NDUFS2: variants seen among roughly 807,000 people sequenced by gnomAD.
The protein encoded by NDUFS2 is NADH:ubiquinone oxidoreductase core subunit S2, also known as NADH dehydrogenase [ubiquinone] iron-sulfur protein 2, mitochondrial.
In NDUFS2, 38 loss-of-function variants were observed where a neutral mutation model predicts 69.6. That is an observed-to-expected ratio of 0.55 (90% CI 0.42 to 0.72). The LOEUF is 0.72. NDUFS2 is among the 30% of genes least tolerant of loss of function. The pLI is 0.00. For synonymous variants in NDUFS2, 194 were observed against 211.2 expected, an observed-to-expected ratio of 0.92 and a Z score of 0.70; for missense variants, 468 against 595.0, an observed-to-expected ratio of 0.79 and a Z score of 2.22.
At chr1:161,202,594 C>T (rs1249799696) in intron 1 of NDUFS2, 114 bp downstream of exon 1, 6 of 1,135,260 alleles carry the variant, frequency 5.3e-6, no homozygotes, top group African/African-American at 1.5e-5. Context: ...CATTGTCCAT[C>T]CCTGATTTCT....
At position 161,206,477 on chromosome 1, in the gene NDUFS2, G is replaced by T. The variant is rs370126952; in HGVS notation, c.273G>T (p.Ala91=). ...ACTTTGGGCCCCAACACCCAGCAGCGCATGGTGTCCTGCGACTAGTGATGG... is the reference window on the plus strand; with the variant it reads ...ACTTTGGGCCCCAACACCCAGCAGCTCATGGTGTCCTGCGACTAGTGATGG... The part of the protein sequence containing the change: ...TLNFGPQHPA[A]HGVLRLVMEL... Residue 91 remains alanine (A), a synonymous_variant, in exon 3 of 14, where the codon GCG becomes GCT. Transcript: ENST00000676972. 2 of 1,614,256 alleles carry T rather than the reference G, an allele frequency of 1.2e-6. No individual in the cohort carries two copies. Among genetic ancestry groups the T allele is most frequent in the African/African-American group, 1.3e-5 (1 of 75,070 alleles).
intron 3 of NDUFS2, among the ~76,000 whole-genome samples, chr1:161,207,844 G>A (rs1178621264): frequency 2.0e-5 from 3 of 150,546 alleles, no homozygotes; most frequent in Admixed American, 1.3e-4. Context: ...ACGGAGTCTC[G>A]CTCTGTCGCC....
Position 161,209,322 on chromosome 1 carries a change from C to G in NDUFS2, c.514+9C>G. 1 of 1,614,122 alleles carries G rather than the reference C, an allele frequency of 6.2e-7. No homozygotes were observed. Among genetic ancestry groups the G allele is most frequent in the Non-Finnish European group, 8.5e-7 (1 of 1,180,038 alleles). On this transcript the variant is annotated intron_variant, in intron 4 of 13. Coordinates refer to ENST00000676972, the MANE Select transcript of NDUFS2 (RefSeq NM_001377299.1). ...GGCACAGTGGATCCGAGGTATGTCC[C>G]CCCAACTTTTTCTGTGGCCCACTGT...
At chr1:161,213,506 A>G (rs756478448) in intron 11 of NDUFS2, 31 bp downstream of exon 11, 8 of 1,574,438 alleles carry the variant, frequency 5.1e-6, no homozygotes, top group Non-Finnish European at 7.0e-6. Context: ...AAAAGACCAT[A>G]TGTAGAGTAG....
chr1:161,207,293 G>A (rs563880274), intron 3 of NDUFS2, among the ~76,000 whole-genome samples: 140 of 152,342 alleles, frequency 9.2e-4, no homozygotes, highest in Non-Finnish European at 1.6e-4. Flanking sequence ...GTTAACCCCT[G>A]TAGCATTAGC....
intron 2 of NDUFS2, 108 bp from the exon 3 acceptor site, chr1:161,206,299 A>G: frequency 8.8e-7 from 1 of 1,134,352 alleles, no homozygotes; most frequent in South Asian, 1.3e-5. Context: ...TTAACAAAGT[A>G]TGGAATGGTG....
At chr1:161,205,473 T>C (rs911815545) in intron 2 of NDUFS2, among the ~76,000 whole-genome samples, 1 of 152,240 alleles carries the variant, frequency 6.6e-6, no homozygotes, top group African/African-American at 2.4e-5. Flanking sequence ...TGAGCTCAGA[T>C]CCTACCTACA....
Position 161,210,173 on chromosome 1 carries a change from T to G in NDUFS2, c.765T>G (p.Leu255=). ...TTTCTAAGAACTTCTCTCTTCGGCT[T>G]GATGAGTTGGAGGAGGTAAGCTAGG... is the stretch of plus-strand genomic sequence containing the variant. ...YQFSKNFSLR[L]DELEELLTNN... The change falls in exon 7 of 14, where the codon CTT becomes CTG. Residue 255 remains leucine, a synonymous_variant. Coordinates refer to ENST00000676972, the MANE Select transcript of NDUFS2 (RefSeq NM_001377299.1). The G allele has an allele frequency of 3.7e-6, 6 of 1,614,072 alleles. No homozygotes were observed. Among genetic ancestry groups the G allele is most frequent in the Non-Finnish European group, 5.1e-6 (6 of 1,180,012 alleles).
Position 161,211,301 on chromosome 1 carries a change from C to T in NDUFS2, c.986+591C>T, listed in dbSNP as rs12145039. ...GCTGGGATTATTCTTCAGGAGTGGTCGAGACTAGAATCCTCCTGATCCAGT... is the reference window on the plus strand; with the variant it reads ...GCTGGGATTATTCTTCAGGAGTGGTTGAGACTAGAATCCTCCTGATCCAGT... On this transcript the variant is annotated intron_variant, in intron 9 of 13. Transcript: ENST00000676972. Among the ~76,000 whole-genome samples the T allele has an allele frequency of 7.5e-3, 1,143 of 152,278 alleles. 7 individuals carry two copies. The highest frequency in any genetic ancestry group is 0.02 in the Middle Eastern group (6 of 294).
chr1:161,203,484 G>A lies in NDUFS2; in HGVS notation c.143G>A (p.Gly48Glu). 6.2e-7 allele frequency: 1 copy of A among 1,614,132 alleles called. No homozygotes were observed. Among genetic ancestry groups the A allele is most frequent in the South Asian group, 1.1e-5 (1 of 91,068 alleles). Residue 48 changes from glycine (G) to glutamate (E), a missense_variant, in exon 2 of 14, where the codon GGG (glycine) becomes GAG (glutamate). By Grantham distance (98) the Gly-to-Glu change is moderately conservative. This residue lies in a region of NDUFS2 where 339 missense variants were observed against 433.8 expected (regional missense o/e 0.78). Coordinates refer to ENST00000676972, the MANE Select transcript of NDUFS2 (RefSeq NM_001377299.1). ...GATGTGGAATGGGCACAGCAGTTTG[G>A]GGGAGCTGTTATGTACCCAAGCAAA... ...QPDVEWAQQFGGAVMYPSKET... is the reference protein window; with the variant it reads ...QPDVEWAQQFEGAVMYPSKET...
intron 5 of NDUFS2, 47 bp downstream of exon 5, chr1:161,209,642 G>A (rs1395911134): frequency 1.4e-6 from 2 of 1,461,600 alleles, no homozygotes; most frequent in East Asian, 4.6e-5. Context: ...AGTGCAGGAA[G>A]TAGAGAAGGT....
intron 13 of NDUFS2, 46 bp downstream of exon 13, chr1:161,213,967 C>G: frequency 6.2e-7 from 1 of 1,613,964 alleles, no homozygotes; most frequent in East Asian, 2.2e-5. Flanking sequence ...CAAAGGAGTT[C>G]GGGACGCCCA....
chr1:161,209,787 G>T (rs542928139), intron 5 of NDUFS2, 70 bp from the exon 6 acceptor site: 8 of 1,529,132 alleles, frequency 5.2e-6, no homozygotes, highest in East Asian at 2.3e-5. Context: ...GGCAGAAAGT[G>T]GGGGAGTAGG....
chr1:161,198,131 TC>T, upstream of NDUFS2: 1 of 1,613,966 alleles, frequency 6.2e-7, no homozygotes, highest in Non-Finnish European at 8.5e-7. This position sits in a 1 kb window ranked among gnomAD's most constrained non-coding sequence, Gnocchi z 4.7. Context: ...GGTGCCTCCC[TC>T]CAGGGGCTGG....
chr1:161,212,527 G>C (rs1558086569), intron 10 of NDUFS2, 47 bp downstream of exon 10: 1 of 1,603,338 alleles, frequency 6.2e-7, no homozygotes, highest in Non-Finnish European at 8.5e-7. Flanking sequence ...AAAGGGGCCA[G>C]TGGCTGGGGA....
At chr1:161,211,602 A>G (rs2102051789) in intron 9 of NDUFS2, among the ~76,000 whole-genome samples, 1 of 152,310 alleles carries the variant, frequency 6.6e-6, no homozygotes, top group South Asian at 2.1e-4. Context: ...GTGAGCTGAG[A>G]TGGAGCCACT....
intron 3 of NDUFS2, among the ~76,000 whole-genome samples, chr1:161,207,280 T>C (rs1401315719): frequency 2.0e-5 from 3 of 152,216 alleles, no homozygotes; most frequent in Admixed American, 2.0e-4. Context: ...CTGGAGTCTA[T>C]GGGTTAACCC....
rs200452962 is a variant in NDUFS2, at chr1:161,210,223, C to G, written c.780+35C>G. On this transcript the variant is annotated intron_variant, in intron 7 of 13. Transcript: ENST00000676972. ...GAGTCAATGGGAAAAATCTCTCCCC[C>G]ACAAGAAGGGCTAGAGAAATACAGA... is the stretch of plus-strand genomic sequence containing the variant. The G allele has an allele frequency of 5.0e-6, 8 of 1,611,382 alleles. No homozygotes were observed. In the Admixed American group the frequency reaches 8.3e-5, roughly 17 times the overall value.
chr1:161,206,723 C>T (rs1200285861), intron 3 of NDUFS2, 126 bp downstream of exon 3: 2 of 1,027,072 alleles, frequency 1.9e-6, no homozygotes, highest in East Asian at 2.6e-5. Context: ...GTTGAGATTA[C>T]TCTTGGTTGG....
Sources: gnomAD v4.1 joint callset for allele counts (sites outside exome capture counted in the v4.1 genomes callset) on GRCh38, gnomAD v4.1.1 for gene constraint, gnomAD v4.1.1 regional missense constraint, Gnocchi (gnomAD v3.1) non-coding constraint, MANE v1.5 for transcripts, NCBI Gene and HGNC (gene_info 2026-07-23, HGNC 2026-07-21) for gene names.